Variants in SPOCK3 observed in about 807,000 individuals in gnomAD.
The protein encoded by SPOCK3 is SPARC (osteonectin), cwcv and kazal like domains proteoglycan 3.
SPOCK3 carries 30 observed loss-of-function variants against 56.6 expected under a neutral mutation model. That is an observed-to-expected ratio of 0.53 (90% CI 0.40 to 0.72). The LOEUF is 0.72. SPOCK3 is among the 30% of genes least tolerant of loss of function. The pLI, the probability that SPOCK3 is intolerant of heterozygous loss-of-function variation, is 0.00. For synonymous variants in SPOCK3, 196 were observed against 183.3 expected (o/e 1.07, Z -0.56); for missense variants, 527 against 530.0 (o/e 0.99, Z 0.06).
rs73863824 is a variant in SPOCK3 at position 166,807,589 on chromosome 4, A to G, written c.590-15300T>C. On this transcript the variant is annotated intron_variant, in intron 6 of 10. Transcript: ENST00000357545. ...ATGTGAAGTCAAGACCACTGCTGCC[A>G]GTTGAGCAGAGTGAAGGAGGCACTC... Among the ~76,000 whole-genome samples the G allele has an allele frequency of 4.4e-3, 674 of 152,260 alleles. 6 individuals are homozygous for G. Among genetic ancestry groups the G allele is most frequent in the African/African-American group, 0.015 (638 of 41,560 alleles).
intron 3 of SPOCK3, among the ~76,000 whole-genome samples, chr4:167,055,984 C>T (rs1272245830): frequency 3.9e-5 from 6 of 152,164 alleles, no homozygotes; most frequent in East Asian, 1.9e-4. Flanking sequence ...GATCTGAGAA[C>T]GGGCAGACTG....
At chr4:167,068,000 C>A (rs1727156586) in intron 2 of SPOCK3, among the ~76,000 whole-genome samples, 2 of 151,742 alleles carry the variant, frequency 1.3e-5, no homozygotes, top group South Asian at 4.1e-4. Flanking sequence ...AAAATGAATA[C>A]CTCACTGTTT....
chr4:166,781,307 G>A (rs1740140374), intron 7 of SPOCK3, among the ~76,000 whole-genome samples: 1 of 152,128 alleles, frequency 6.6e-6, no homozygotes, highest in African/African-American at 2.4e-5. Flanking sequence ...GTTAAAGGCT[G>A]TAGTATAAAT....
intron 5 of SPOCK3, among the ~76,000 whole-genome samples, chr4:166,902,882 T>C (rs1217894149): frequency 6.6e-6 from 1 of 150,788 alleles, no homozygotes; most frequent in East Asian, 1.9e-4. Flanking sequence ...TCTTTTTAAA[T>C]GTTTAAATGT....
chr4:167,103,760 T>C (rs1759856278), intron 2 of SPOCK3, among the ~76,000 whole-genome samples: 1 of 152,038 alleles, frequency 6.6e-6, no homozygotes, highest in African/African-American at 2.4e-5. Flanking sequence ...AGTAGCCAGG[T>C]AGCGGTTACC....
intron 2 of SPOCK3, among the ~76,000 whole-genome samples, chr4:167,073,686 ATTTTTG>A (rs1234620745): frequency 2.0e-5 from 3 of 151,614 alleles, no homozygotes; most frequent in Non-Finnish European, 2.9e-5. Flanking sequence ...CTGAGTTTTG[ATTTTTG>A]TTTTTAAGAT....
At chr4:167,224,184 T>C (rs1736361221) in intron 2 of SPOCK3, among the ~76,000 whole-genome samples, 1 of 152,174 alleles carries the variant, frequency 6.6e-6, no homozygotes, top group Non-Finnish European at 1.5e-5. Flanking sequence ...TTCATTTTTA[T>C]TATCTTTGTC....
chr4:167,060,490 A>T (rs1207176052), intron 3 of SPOCK3, among the ~76,000 whole-genome samples: 1 of 151,930 alleles, frequency 6.6e-6, no homozygotes, highest in African/African-American at 2.4e-5. Context: ...GGTCAATTTG[A>T]CTCAAAGCGA....
chr4:166,754,854 T>A, intron 7 of SPOCK3, 125 bp from the exon 8 acceptor site: 1 of 780,030 alleles, frequency 1.3e-6, no homozygotes, highest in East Asian at 2.7e-5. Context: ...AAGTAGAGCA[T>A]TAAATTCATC....
chr4:167,008,379 A>G (rs571900757), intron 3 of SPOCK3, among the ~76,000 whole-genome samples: 17 of 152,274 alleles, frequency 1.1e-4, no homozygotes, highest in African/African-American at 4.1e-4. Flanking sequence ...GCAACATTAT[A>G]AACTATATTA....
intron 9 of SPOCK3, among the ~76,000 whole-genome samples, chr4:166,739,953 A>G (rs1372805677): frequency 6.6e-6 from 1 of 152,180 alleles, no homozygotes; most frequent in East Asian, 1.9e-4. Context: ...AACGCTTTCT[A>G]TGGATTAAAG....
chr4:166,794,521 T>C (rs1741695760), intron 6 of SPOCK3, among the ~76,000 whole-genome samples: 1 of 152,044 alleles, frequency 6.6e-6, no homozygotes, highest in Non-Finnish European at 1.5e-5. Context: ...TTATGTACTA[T>C]ATAGCTGTAT....
chr4:167,050,297 C>T (rs115300468), intron 3 of SPOCK3, among the ~76,000 whole-genome samples: 46 of 152,234 alleles, frequency 3.0e-4, no homozygotes, highest in African/African-American at 1.1e-3. Context: ...TAAGCCATTG[C>T]TAGTACCCTA....
chr4:167,130,028 T>G (rs2150379518), intron 2 of SPOCK3, among the ~76,000 whole-genome samples: 1 of 152,270 alleles, frequency 6.6e-6, no homozygotes, highest in South Asian at 2.1e-4. Context: ...TAAAAAAATT[T>G]TTTTTGAGAT....
At chr4:167,233,682 G>A (rs965902728) in intron 2 of SPOCK3, among the ~76,000 whole-genome samples, 1 of 152,132 alleles carries the variant, frequency 6.6e-6, no homozygotes, top group African/African-American at 2.4e-5. Flanking sequence ...AAGTTGAGAG[G>A]TTAGAGCCAG....
At chr4:167,013,651 T>C (rs1200925333) in intron 3 of SPOCK3, among the ~76,000 whole-genome samples, 1 of 151,966 alleles carries the variant, frequency 6.6e-6, no homozygotes, top group Non-Finnish European at 1.5e-5. Context: ...ATATTTGGGA[T>C]TGTCTTTCCG....
At chr4:167,155,378 A>T (rs1357459529) in intron 2 of SPOCK3, among the ~76,000 whole-genome samples, 1 of 152,096 alleles carries the variant, frequency 6.6e-6, no homozygotes, top group East Asian at 1.9e-4. Flanking sequence ...TCGGCCTCCC[A>T]AAGAGCTGGG....
intron 2 of SPOCK3, among the ~76,000 whole-genome samples, chr4:167,099,204 A>T (rs970828770): frequency 1.3e-5 from 2 of 151,976 alleles, no homozygotes; most frequent in Admixed American, 1.3e-4. Context: ...AATCTCGGTT[A>T]ATGTATTAAA....
intron 2 of SPOCK3, among the ~76,000 whole-genome samples, chr4:167,149,012 A>G (rs1374127330): frequency 6.6e-6 from 1 of 152,128 alleles, no homozygotes; most frequent in Admixed American, 6.5e-5. Flanking sequence ...AATATCTATC[A>G]TATAAAAAAG....
Sources: allele counts gnomAD v4.1 joint callset (sites outside exome capture counted in the v4.1 genomes callset), GRCh38; gene constraint gnomAD v4.1.1; transcripts MANE v1.5; gene names NCBI Gene and HGNC (gene_info 2026-07-23, HGNC 2026-07-21).